SPRY3: variants seen among roughly 807,000 people sequenced by gnomAD.
SPRY3 encodes the protein sprouty RTK signaling antagonist 3, also known as protein sprouty homolog 3.
Under a neutral mutation model 20.2 loss-of-function variants are expected in SPRY3, and 15 were observed. That is an observed-to-expected ratio of 0.74 (90% CI 0.50 to 1.14). The LOEUF (loss-of-function observed/expected upper bound fraction) is 1.14. SPRY3 is among the 50% of genes most tolerant of loss of function. The pLI is 0.00. For synonymous variants in SPRY3, 143 were observed against 136.5 expected, an observed-to-expected ratio of 1.05 and a Z score of -0.33; for missense variants, 364 against 363.9, an observed-to-expected ratio of 1.00 and a Z score of 0.00.
intron 2 of SPRY3, among the ~76,000 whole-genome samples, chrX:155,755,699 G>A (rs1198497028): frequency 6.6e-6 from 1 of 152,058 alleles, no homozygotes; most frequent in Non-Finnish European, 1.5e-5. Context: ...TCCAGCCTGG[G>A]AAGATTTTAA....
At chrX:155,706,532 A>G (rs1366954856) in intron 2 of SPRY3, among the ~76,000 whole-genome samples, 1 of 150,938 alleles carries the variant, frequency 6.6e-6, no homozygotes, top group Admixed American at 6.6e-5. Context: ...GAGAAAATTA[A>G]TAGATATCAA....
At chrX:155,740,916 C>G (rs1325474389) in intron 2 of SPRY3, among the ~76,000 whole-genome samples, 1 of 152,022 alleles carries the variant, frequency 6.6e-6, no homozygotes. Context: ...TGTGATGTCA[C>G]CCCGGAGGCC....
At chrX:155,781,136 A>C (rs1603016931), downstream of SPRY3, 1 of 166,992 alleles carries the variant, frequency 6.0e-6, no homozygotes, top group African/African-American at 2.4e-5. Flanking sequence ...AGATGGGTGG[A>C]GACTTGGCCT....
At chrX:155,707,673 C>T (rs990693272) in intron 2 of SPRY3, among the ~76,000 whole-genome samples, 6 of 151,092 alleles carry the variant, frequency 4.0e-5, no homozygotes, top group South Asian at 2.1e-4. Context: ...ATGAACTGGT[C>T]CCTTTATTTC....
chrX:155,767,699 AGAAAGAAGAGGAG>A (rs1350888913), intron 2 of SPRY3: 3 of 128,980 alleles, frequency 2.3e-5, no homozygotes, highest in African/African-American at 8.6e-5. Flanking sequence ...GAGGAGGAGG[AGAAAGAAGAGGAG>A]GAGGAGAAAG....
intron 2 of SPRY3, among the ~76,000 whole-genome samples, chrX:155,708,535 G>A (rs926078474): frequency 4.0e-5 from 6 of 151,280 alleles, no homozygotes; most frequent in East Asian, 1.9e-4. Flanking sequence ...CTTCTTTGAC[G>A]TGTAGATTAA....
At chrX:155,657,647 G>A (rs512918) in intron 2 of SPRY3, among the ~76,000 whole-genome samples, 61,080 of 110,473 alleles carry the variant, frequency 0.55, 14,325 homozygotes, top group Middle Eastern at 0.77. Flanking sequence ...GGTTCCAGGC[G>A]CCACTGGGCA....
chrX:155,645,443 G>A (rs1411374946), intron 1 of SPRY3, among the ~76,000 whole-genome samples: 3 of 111,944 alleles, frequency 2.7e-5, no homozygotes, highest in African/African-American at 9.7e-5. Flanking sequence ...GTTCCCCAGA[G>A]CACTTCAGCC....
At chrX:155,707,886 A>C (rs1010504903) in intron 2 of SPRY3, among the ~76,000 whole-genome samples, 3 of 151,244 alleles carry the variant, frequency 2.0e-5, no homozygotes, top group African/African-American at 7.3e-5. Context: ...CCACCTTTTG[A>C]TTAGAGTATA....
intron 2 of SPRY3, among the ~76,000 whole-genome samples, chrX:155,711,097 A>G (rs1478012399): frequency 1.3e-5 from 2 of 151,846 alleles, no homozygotes; most frequent in Non-Finnish European, 3.0e-5. Context: ...ATCAATATTC[A>G]TCAGGGATGT....
chrX:155,703,871 G>A (rs2090929016), intron 2 of SPRY3, among the ~76,000 whole-genome samples: 6 of 151,712 alleles, frequency 4.0e-5, no homozygotes, highest in East Asian at 1.9e-4. Context: ...TATTGTTCTG[G>A]TCGACCATTC....
intron 3 of SPRY3, among the ~76,000 whole-genome samples, chrX:155,773,307 G>GCT (rs4013148): frequency 8.3e-6 from 1 of 120,740 alleles, no homozygotes; most frequent in East Asian, 2.7e-4. Flanking sequence ...ATTTTGATTG[G>GCT]ATATATATAT....
chrX:155,681,651 A>G (rs939345394), intron 2 of SPRY3, among the ~76,000 whole-genome samples: 2 of 112,444 alleles, frequency 1.8e-5, no homozygotes, highest in Non-Finnish European at 3.8e-5. Flanking sequence ...TCCTGAATAC[A>G]TGAATGATTA....
exon 2 of SPRY3, chrX:155,782,185 TC>T (rs1311319300): frequency 6.0e-6 from 1 of 166,968 alleles, no homozygotes. Context: ...AGGAGGAGCT[TC>T]TTTTGTAGAA....
chrX:155,774,664 C>T, exon 4 of SPRY3: 2 of 1,613,994 alleles, frequency 1.2e-6, no homozygotes, highest in Non-Finnish European at 1.7e-6. Context: ...CTGCAAGAGG[C>T]ACACCAACAC....
chrX:155,665,588 A>G (rs183224735), intron 2 of SPRY3, among the ~76,000 whole-genome samples: 1 of 111,579 alleles, frequency 9.0e-6, no homozygotes, highest in East Asian at 2.8e-4. Context: ...TTGAGGGGGG[A>G]AAAAGCAAGA....
intron 2 of SPRY3, among the ~76,000 whole-genome samples, chrX:155,723,984 G>T (rs2091080645): frequency 6.6e-6 from 1 of 152,160 alleles, no homozygotes; most frequent in Non-Finnish European, 1.5e-5. Context: ...AAGGGATCCA[G>T]TTTCAGCTTT....
At chrX:155,620,551 T>C (rs150201397) in intron 1 of SPRY3, among the ~76,000 whole-genome samples, 2,896 of 111,688 alleles carry the variant, frequency 0.026, 42 homozygotes, top group South Asian at 0.044. Flanking sequence ...TCAAAAACAT[T>C]ATACTCAGCT....
At chrX:155,729,280 G>A (rs192579804) in intron 2 of SPRY3, among the ~76,000 whole-genome samples, 249 of 152,194 alleles carry the variant, frequency 1.6e-3, no homozygotes, top group Middle Eastern at 0.014. Flanking sequence ...TTAGCACGTG[G>A]ATCATTCTCT....
Sources: gnomAD v4.1 joint callset for allele counts (sites outside exome capture counted in the v4.1 genomes callset) on GRCh38, gnomAD v4.1.1 for gene constraint, MANE v1.5 for transcripts, NCBI Gene and HGNC (gene_info 2026-07-23, HGNC 2026-07-21) for gene names.